XYLT1: variants seen among roughly 807,000 people sequenced by gnomAD.
The protein encoded by XYLT1 is xylosyltransferase 1.
XYLT1 carries 36 observed loss-of-function variants against 91.3 expected under a neutral mutation model. The observed-to-expected ratio is 0.39, with a 90% CI of 0.30 to 0.52. The LOEUF is 0.52. Among genes scored for constraint, XYLT1 ranks in the 20% least tolerant of loss-of-function variants. The pLI is 0.68. For synonymous variants in XYLT1, 588 were observed against 532.0 expected (o/e 1.11, Z -1.45); for missense variants, 1,242 against 1,284.5 (o/e 0.97, Z 0.51).
At chr16:17,199,639 A>C (rs1197309696) in intron 4 of XYLT1, among the ~76,000 whole-genome samples, 3 of 152,148 alleles carry the variant, frequency 2.0e-5, no homozygotes, top group Admixed American at 2.0e-4. Context: ...GTGGTAGTGA[A>C]TAAGTCTCAT....
rs530106056 is a variant in XYLT1, at chr16:17,362,791, C to T, written c.364-4741G>A. ...CTTTGAGGACATTCAGAAGACAGTG[C>T]TTGTTCTTTGGTGTTAGGCAATGAC... On this transcript the variant is annotated intron_variant, in intron 1 of 11. Coordinates refer to ENST00000261381, the MANE Select transcript of XYLT1 (RefSeq NM_022166.4). 2.6e-5 allele frequency among the ~76,000 whole-genome samples: 4 copies of T among 152,354 alleles called. No homozygotes were observed. The South Asian group carries it at 6.2e-4, about 24-fold the overall frequency.
intron 10 of XYLT1, among the ~76,000 whole-genome samples, chr16:17,124,132 A>T (rs1320339456): frequency 1.3e-5 from 2 of 152,176 alleles, no homozygotes; most frequent in Non-Finnish European, 2.9e-5. Flanking sequence ...ATTCAACATT[A>T]GTATTGAGAT....
chr16:17,233,607 G>A (rs2033200955), intron 3 of XYLT1, among the ~76,000 whole-genome samples: 1 of 152,226 alleles, frequency 6.6e-6, no homozygotes, highest in Non-Finnish European at 1.5e-5. Context: ...ACTCTGTTGT[G>A]CTGCTTTGTT....
intron 1 of XYLT1, among the ~76,000 whole-genome samples, chr16:17,424,061 T>A (rs561171661): frequency 8.6e-4 from 131 of 152,278 alleles, no homozygotes; most frequent in Admixed American, 1.6e-3. Context: ...ATCTAACCAT[T>A]TATGCCTGTT....
chr16:17,308,638 G>A (rs572008019), intron 2 of XYLT1, among the ~76,000 whole-genome samples: 3 of 152,240 alleles, frequency 2.0e-5, no homozygotes, highest in African/African-American at 7.2e-5. Context: ...ACAATCCCTA[G>A]CTTCTTTAGA....
intron 1 of XYLT1, 63 bp downstream of exon 1, chr16:17,470,371 C>A (rs1161126213): frequency 2.7e-5 from 33 of 1,209,520 alleles, no homozygotes; most frequent in Non-Finnish European, 3.2e-5. Context: ...GCTAGGGGGG[C>A]GTGGGGTCGG....
At chr16:17,226,848 T>C (rs146459211) in intron 3 of XYLT1, among the ~76,000 whole-genome samples, 2 of 152,332 alleles carry the variant, frequency 1.3e-5, no homozygotes, top group Non-Finnish European at 2.9e-5. Context: ...CTACTTTAGA[T>C]AGACCTGGGT....
At chr16:17,137,383 G>T in intron 8 of XYLT1, 1 of 152,510 alleles carries the variant, frequency 6.6e-6, no homozygotes, top group Non-Finnish European at 1.5e-5. Context: ...TTATGAGCCT[G>T]GCATTGTGTC....
intron 6 of XYLT1, among the ~76,000 whole-genome samples, chr16:17,143,190 G>T (rs1450781138): frequency 6.6e-6 from 1 of 152,152 alleles, no homozygotes; most frequent in Non-Finnish European, 1.5e-5. Flanking sequence ...CAGTCCATTA[G>T]CAATTAGCAT....
At chr16:17,133,840 G>T (rs1227423905) in intron 9 of XYLT1, among the ~76,000 whole-genome samples, 2 of 152,178 alleles carry the variant, frequency 1.3e-5, no homozygotes, top group Non-Finnish European at 2.9e-5. Flanking sequence ...GTAAGGGGTG[G>T]TTGAGAAGTT....
intron 3 of XYLT1, among the ~76,000 whole-genome samples, chr16:17,225,778 C>T (rs1476547316): frequency 6.6e-6 from 1 of 152,062 alleles, no homozygotes; most frequent in Non-Finnish European, 1.5e-5. Context: ...TTACAATGCC[C>T]CATGAATCAT....
At position 17,118,272 on chromosome 16, in the gene XYLT1, G is replaced by A. The variant is rs74593384; in HGVS notation, c.2224-293C>T. The stretch of plus-strand genomic sequence containing the variant: ...AGAAAACCACACATGAGCTGAATGA[G>A]TGAATGAATGAACGAATGAATGAAT... On this transcript the variant is annotated intron_variant, in intron 10 of 11. Coordinates refer to ENST00000261381, the MANE Select transcript of XYLT1 (RefSeq NM_022166.4). Among the ~76,000 whole-genome samples, 5 of 43,642 alleles carry A rather than the reference G, an allele frequency of 1.1e-4. No homozygotes were observed. The Admixed American group carries it at 1.4e-3, about 12-fold the overall frequency. 28.6% of individuals were successfully genotyped at this position (43,642 alleles called of 152,430 possible).
chr16:17,466,050 G>T (rs376594598), intron 1 of XYLT1, among the ~76,000 whole-genome samples: 2 of 152,158 alleles, frequency 1.3e-5, no homozygotes, highest in Non-Finnish European at 2.9e-5. Context: ...TTGTTGGGAC[G>T]TTTTCTCCTG....
intron 1 of XYLT1, among the ~76,000 whole-genome samples, chr16:17,418,715 G>A (rs1158759340): frequency 2.6e-5 from 4 of 152,274 alleles, no homozygotes; most frequent in African/African-American, 9.6e-5. Flanking sequence ...ATCCATGGTG[G>A]TGAATGCCTG....
chr16:17,453,921 C>T (rs894254117), intron 1 of XYLT1, among the ~76,000 whole-genome samples: 3 of 152,306 alleles, frequency 2.0e-5, no homozygotes, highest in Admixed American at 6.5e-5. Flanking sequence ...CAGTTGACAT[C>T]GGGCTTGTTC....
chr16:17,431,538 G>C (rs1292721607), intron 1 of XYLT1, among the ~76,000 whole-genome samples: 1 of 152,196 alleles, frequency 6.6e-6, no homozygotes, highest in East Asian at 1.9e-4. Flanking sequence ...TCATCACCAA[G>C]GAACAGAGTT....
chr16:17,184,524 T>C (rs558699810), intron 5 of XYLT1, among the ~76,000 whole-genome samples: 1 of 132,530 alleles, frequency 7.5e-6, no homozygotes, highest in South Asian at 2.8e-4. Context: ...GTAAGGTTCA[T>C]GAGCGCACAG....
At chr16:17,371,198 CCTGT>C (rs1262886435) in intron 1 of XYLT1, among the ~76,000 whole-genome samples, 1 of 152,214 alleles carries the variant, frequency 6.6e-6, no homozygotes, top group Non-Finnish European at 1.5e-5. Context: ...GGGTGAGAGT[CCTGT>C]CTTCTCATCA....
chr16:17,220,866 G>A (rs2032955266), intron 3 of XYLT1, among the ~76,000 whole-genome samples: 1 of 152,142 alleles, frequency 6.6e-6, no homozygotes, highest in Non-Finnish European at 1.5e-5. Flanking sequence ...TCTCACCCTG[G>A]GCAGAAAGTG....
Sources: allele counts gnomAD v4.1 joint callset (sites outside exome capture counted in the v4.1 genomes callset), GRCh38; gene constraint gnomAD v4.1.1; transcripts MANE v1.5; gene names NCBI Gene and HGNC (gene_info 2026-07-23, HGNC 2026-07-21).